The following CABLES1 variants were observed in gnomAD, a reference collection of about 807,000 sequenced individuals.
The protein encoded by CABLES1 is Cdk5 and Abl enzyme substrate 1.
In CABLES1, 36 loss-of-function variants were observed where a neutral mutation model predicts 57.8. That is an observed-to-expected ratio of 0.62 (90% CI 0.48 to 0.82). CABLES1 has a LOEUF of 0.82. Among genes scored for constraint, CABLES1 ranks in the 40% least tolerant of loss-of-function variants. The probability of loss-of-function intolerance (pLI) is 0.00; values close to 1 mark genes in which losing one functional copy is unlikely to be tolerated. For synonymous variants in CABLES1, 374 were observed against 363.0 expected (o/e 1.03, Z -0.35); for missense variants, 767 against 836.6 (o/e 0.92, Z 1.03).
intron 7 of CABLES1, among the ~76,000 whole-genome samples, chr18:23,251,497 C>G (rs2048036725): frequency 1.3e-5 from 2 of 151,914 alleles, no homozygotes; most frequent in South Asian, 2.1e-4. Context: ...CAAAAAAGAC[C>G]CAGCCTTGGC....
At chr18:23,242,534 G>GT (rs1306867442) in intron 7 of CABLES1, among the ~76,000 whole-genome samples, 1 of 152,186 alleles carries the variant, frequency 6.6e-6, no homozygotes, top group Non-Finnish European at 1.5e-5. Context: ...TCGGTAGTGG[G>GT]TTTTTGTGTT....
rs1234263663 is a variant in CABLES1 at position 23,217,363 on chromosome 18, G to A, written c.1088+3309G>A. 3.3e-5 allele frequency among the ~76,000 whole-genome samples: 5 copies of A among 152,152 alleles called. No homozygotes were observed. In the East Asian group the frequency reaches 7.7e-4, roughly 23 times the overall value. ...CTCCTAAAGTGTTGGGATTACAGGTGTAAGCCACTGTACCCAGCTAGAAGA... is the reference window on the plus strand; with the variant it reads ...CTCCTAAAGTGTTGGGATTACAGGTATAAGCCACTGTACCCAGCTAGAAGA... On this transcript the variant is annotated intron_variant, in intron 4 of 9. Transcript: ENST00000256925.
intron 4 of CABLES1, among the ~76,000 whole-genome samples, chr18:23,220,097 T>C (rs1009573523): frequency 6.6e-6 from 1 of 152,098 alleles, no homozygotes; most frequent in Non-Finnish European, 1.5e-5. Context: ...CTCACAGTGA[T>C]CTCTAGAGCT....
chr18:23,193,927 G>A (rs1371580790), intron 2 of CABLES1, among the ~76,000 whole-genome samples: 1 of 152,188 alleles, frequency 6.6e-6, no homozygotes, highest in East Asian at 1.9e-4. Flanking sequence ...CTCATTCAGT[G>A]TAAAGCTGTG....
At chr18:23,137,177 G>A (rs914634784) in intron 1 of CABLES1, among the ~76,000 whole-genome samples, 2 of 152,184 alleles carry the variant, frequency 1.3e-5, no homozygotes, top group Non-Finnish European at 2.9e-5. Context: ...CTCCAACTAG[G>A]CCTAGGGGGG....
chr18:23,211,664 C>T (rs1439589783), intron 3 of CABLES1, among the ~76,000 whole-genome samples: 1 of 152,262 alleles, frequency 6.6e-6, no homozygotes, highest in African/African-American at 2.4e-5. Flanking sequence ...TAGGGAAGAG[C>T]ATTCGTAGTG....
intron 4 of CABLES1, among the ~76,000 whole-genome samples, chr18:23,219,908 A>G (rs2047473706): frequency 6.6e-6 from 1 of 152,086 alleles, no homozygotes; most frequent in South Asian, 2.1e-4. Context: ...GTTTCTTAAA[A>G]TTGAGATTTT....
intron 1 of CABLES1, among the ~76,000 whole-genome samples, chr18:23,139,541 G>C (rs999842282): frequency 6.6e-6 from 1 of 152,142 alleles, no homozygotes; most frequent in Non-Finnish European, 1.5e-5. Context: ...ACAACACACA[G>C]GGAGGAAAAT....
At chr18:23,208,076 G>A (rs979590075) in intron 3 of CABLES1, among the ~76,000 whole-genome samples, 2 of 152,130 alleles carry the variant, frequency 1.3e-5, no homozygotes, top group African/African-American at 2.4e-5. Context: ...ACAATCCCAT[G>A]CCTCCTCCTC....
chr18:23,173,539 T>G (rs1002282288), intron 1 of CABLES1, among the ~76,000 whole-genome samples: 2 of 152,270 alleles, frequency 1.3e-5, no homozygotes, highest in Non-Finnish European at 2.9e-5. Flanking sequence ...TTGTATATTT[T>G]GGGATTTGGT....
intron 2 of CABLES1, 111 bp from the exon 3 acceptor site, chr18:23,194,337 T>G: frequency 1.5e-6 from 1 of 671,700 alleles, no homozygotes. Flanking sequence ...CCTGCCTGCT[T>G]TGGGGTGACT....
Position 23,253,049 on chromosome 18 carries a change from A to G in CABLES1, c.1536A>G (p.Thr512=), listed in dbSNP as rs1261000484. 2.5e-6 allele frequency: 4 copies of G among 1,611,602 alleles called. No homozygotes were observed. Among genetic ancestry groups the G allele is most frequent in the Middle Eastern group, 1.6e-4 (1 of 6,082 alleles). The change falls in exon 8 of 10, where the codon ACA becomes ACG. Residue 512 remains threonine, a synonymous_variant. Coordinates refer to ENST00000256925, the MANE Select transcript of CABLES1 (RefSeq NM_001100619.3). ...FKEKFPHIKL[T]LSKIRSLKRE... Reference sequence around the variant, plus strand: ...AGAAGTTTCCTCACATTAAGCTGACACTCAGCAAAATTAGGAGGTACGGGA... The same window carrying G: ...AGAAGTTTCCTCACATTAAGCTGACGCTCAGCAAAATTAGGAGGTACGGGA...
chr18:23,241,646 T>G (rs2047739254), intron 7 of CABLES1, among the ~76,000 whole-genome samples: 1 of 152,260 alleles, frequency 6.6e-6, no homozygotes, highest in African/African-American at 2.4e-5. Flanking sequence ...TGCATGGCTT[T>G]CTGTGGAAAT....
intron 1 of CABLES1, among the ~76,000 whole-genome samples, chr18:23,174,390 T>A (rs570077241): frequency 3.4e-4 from 52 of 152,338 alleles, no homozygotes; most frequent in Middle Eastern, 3.4e-3. Flanking sequence ...ACATTGTATA[T>A]GTCTTTGTGT....
intron 1 of CABLES1, among the ~76,000 whole-genome samples, chr18:23,184,466 G>A (rs1473137434): frequency 6.6e-6 from 1 of 152,166 alleles, no homozygotes; most frequent in Non-Finnish European, 1.5e-5. Flanking sequence ...ACTTTGGGAG[G>A]CCGAGGCAGG....
chr18:23,257,059 G>A (rs894074345), intron 9 of CABLES1, 168 bp from the exon 10 acceptor site: 13 of 698,556 alleles, frequency 1.9e-5, no homozygotes, highest in South Asian at 1.2e-4. Flanking sequence ...AACCAGGACC[G>A]AAGGCAGGAA....
At chr18:23,169,985 G>A (rs1027702751) in intron 1 of CABLES1, among the ~76,000 whole-genome samples, 4 of 152,146 alleles carry the variant, frequency 2.6e-5, no homozygotes, top group African/African-American at 9.7e-5. Flanking sequence ...CCGCGTGGGA[G>A]GGGGTAGGAT....
chr18:23,226,717 G>A (rs2047530584), intron 4 of CABLES1, among the ~76,000 whole-genome samples: 1 of 152,160 alleles, frequency 6.6e-6, no homozygotes, highest in Non-Finnish European at 1.5e-5. Flanking sequence ...TCCTAGAATT[G>A]TCCCTATGCA....
chr18:23,237,858 G>A (rs1170483740), intron 7 of CABLES1, among the ~76,000 whole-genome samples: 2 of 152,236 alleles, frequency 1.3e-5, no homozygotes, highest in African/African-American at 4.8e-5. Context: ...GAGGGGCCTG[G>A]CGGGGCCCTG....
Sources: gnomAD v4.1 joint callset for allele counts (sites outside exome capture counted in the v4.1 genomes callset) on GRCh38, gnomAD v4.1.1 for gene constraint, MANE v1.5 for transcripts, NCBI Gene and HGNC (gene_info 2026-07-23, HGNC 2026-07-21) for gene names.